PHTF1: variants seen among roughly 807,000 people sequenced by gnomAD.
The protein encoded by PHTF1 is protein PHTF1.
PHTF1 carries 88 observed loss-of-function variants against 102.4 expected under a neutral mutation model. The ratio of observed to expected loss-of-function variants is 0.86; its 90% CI spans 0.72 to 1.03. The LOEUF is 1.03. Ranked by LOEUF, PHTF1 falls within the 50% of genes least tolerant of loss-of-function variation. The pLI is 0.00. For synonymous variants in PHTF1, 289 were observed against 305.2 expected, an observed-to-expected ratio of 0.95 and a Z score of 0.55; for missense variants, 814 against 909.5, an observed-to-expected ratio of 0.89 and a Z score of 1.35.
Position 113,758,662 on chromosome 1 carries a change from C to T in PHTF1, c.42G>A (p.Lys14=), listed in dbSNP as rs1659252393. 1 of 1,586,052 alleles carries T rather than the reference C, an allele frequency of 6.3e-7. No individual in the cohort carries two copies. The highest frequency in any genetic ancestry group is 1.3e-5 in the African/African-American group (1 of 74,348). ...NERDAISWYQ[K]KIGAYDQQIW... ...AAAAAATATATATATGTATTACCTT[C>T]TTTTGGTACCACGATATAGCATCTC... Residue 14 remains lysine (K), a synonymous_variant, in exon 2 of 19, where the codon AAG becomes AAA. Coordinates refer to ENST00000369604, the MANE Select transcript of PHTF1 (RefSeq NM_001323043.2).
intron 3 of PHTF1, among the ~76,000 whole-genome samples, chr1:113,752,385 ATTTTTTTTTTTTTTTTTTT>A (rs774522219): frequency 2.1e-5 from 1 of 47,840 alleles, no homozygotes; most frequent in Non-Finnish European, 3.8e-5. Flanking sequence ...TGTTACTGTA[ATTTTTTTTTTTTTTTTTTT>A]TTTTTTTTTT....
chr1:113,718,213 G>T (rs942787322), intron 7 of PHTF1, among the ~76,000 whole-genome samples: 2 of 152,170 alleles, frequency 1.3e-5, no homozygotes, highest in Non-Finnish European at 2.9e-5. Context: ...GAAATCCAGT[G>T]GGGGAGTCAA....
At chr1:113,731,315 T>C (rs1411142742) in intron 5 of PHTF1, among the ~76,000 whole-genome samples, 1 of 151,926 alleles carries the variant, frequency 6.6e-6, no homozygotes, top group Non-Finnish European at 1.5e-5. Flanking sequence ...TTTGATCACT[T>C]GACGCCAGGA....
intron 3 of PHTF1, among the ~76,000 whole-genome samples, chr1:113,750,121 A>G (rs1477610838): frequency 6.6e-6 from 1 of 151,874 alleles, no homozygotes; most frequent in Admixed American, 6.6e-5. Flanking sequence ...CAGCTTCCCC[A>G]GTATCTGGGA....
At chr1:113,759,663 A>T (rs1222695318), upstream of PHTF1, among the ~76,000 whole-genome samples, 3 of 152,354 alleles carry the variant, frequency 2.0e-5, no homozygotes, top group Admixed American at 6.5e-5. Context: ...GGCCAAGAGC[A>T]GCTCCCTCAG....
Position 113,704,059 on chromosome 1 carries a change from A to G in PHTF1, c.1890+22T>C, listed in dbSNP as rs374430840. 3.0e-5 allele frequency: 45 copies of G among 1,517,058 alleles called. No individual in the cohort carries two copies. In the South Asian group the frequency reaches 4.6e-4, roughly 16 times the overall value. The allele number at this position is 1,517,058 out of a possible 1,614,324, so 94.0% of individuals were successfully genotyped here. Reference sequence around the variant, plus strand: ...TATAATAGAATTTTCATTTTTCCTTAAAGCAGATGTGAAACTTTTACCTGA... The same window carrying G: ...TATAATAGAATTTTCATTTTTCCTTGAAGCAGATGTGAAACTTTTACCTGA... On this transcript the variant is annotated intron_variant, in intron 15 of 18. Transcript: ENST00000369604.
Position 113,704,143 on chromosome 1 carries a change from C to G in PHTF1, c.1828G>C (p.Asp610His). 18 of 1,613,302 alleles carry G rather than the reference C, an allele frequency of 1.1e-5. No homozygotes were observed. The highest frequency in any genetic ancestry group is 1.5e-5 in the Non-Finnish European group (18 of 1,179,376). The part of the protein sequence containing the change: ...LKRRGPQRSV[D>H]VVVSSVFLLT... ...AGGAAAACCGAGGATACAACCACAT[C>G]AACTGAACGCTGTGGCCCCCGTCTC... Residue 610 changes from aspartate to histidine, a missense_variant, in exon 15 of 19, where the codon GAT (aspartate) becomes CAT (histidine). Physicochemically the swap from Asp to His is moderately conservative, Grantham distance 81. Coordinates refer to ENST00000369604, the MANE Select transcript of PHTF1 (RefSeq NM_001323043.2).
At chr1:113,737,674 C>T (rs1655703587) in intron 5 of PHTF1, among the ~76,000 whole-genome samples, 1 of 152,178 alleles carries the variant, frequency 6.6e-6, no homozygotes, top group African/African-American at 2.4e-5. Context: ...TGGCATACAC[C>T]TGTAGTGCCA....
intron 5 of PHTF1, among the ~76,000 whole-genome samples, chr1:113,727,491 C>T (rs1452484858): frequency 6.6e-6 from 1 of 152,180 alleles, no homozygotes; most frequent in Non-Finnish European, 1.5e-5. Context: ...GATTGAAATA[C>T]TACCAAAGTG....
chr1:113,715,191 G>GGT (rs2101233067), intron 7 of PHTF1: 2 of 152,360 alleles, frequency 1.3e-5, no homozygotes, highest in African/African-American at 4.8e-5. Context: ...AAGAAGCCCA[G>GGT]ACTGTGAAGA....
chr1:113,712,871 C>A (rs1276854980), intron 8 of PHTF1, among the ~76,000 whole-genome samples: 1 of 151,622 alleles, frequency 6.6e-6, no homozygotes, highest in Non-Finnish European at 1.5e-5. Flanking sequence ...ACTGCAAGCT[C>A]CACCTCCCAG....
chr1:113,699,301 A>C (rs993460145), intron 17 of PHTF1: 2 of 274,196 alleles, frequency 7.3e-6, no homozygotes, highest in Non-Finnish European at 1.4e-5. Context: ...CTTGACCATG[A>C]TTATAGCCCC....
At chr1:113,703,671 A>T (rs1291228461) in intron 15 of PHTF1, among the ~76,000 whole-genome samples, 2 of 152,098 alleles carry the variant, frequency 1.3e-5, no homozygotes, top group Admixed American at 1.3e-4. Flanking sequence ...CTATAGTAAC[A>T]GATTTTAACC....
intron 5 of PHTF1, among the ~76,000 whole-genome samples, chr1:113,729,487 CTGT>C (rs1654321173): frequency 1.3e-5 from 2 of 152,064 alleles, no homozygotes; most frequent in African/African-American, 2.4e-5. Flanking sequence ...CATTGCATGC[CTGT>C]ATCAAAGTAT....
In PHTF1 at chr1:113,712,067, C is replaced by T. The variant is rs1651203627; in HGVS notation, c.830G>A (p.Ser277Asn). The change falls in exon 9 of 19, where the codon AGT (serine) becomes AAT (asparagine). Residue 277 changes from serine (S) to asparagine (N), a missense_variant. Transcript: ENST00000369604. ...TGTCCGTGCTTCACCATCTTCTTCA[C>T]TTGACAGGTCATCAGACACCCCATT... Reference protein sequence around the residue: ...LGNGVSDDLSSEEDGEARTQM... With the variant: ...LGNGVSDDLSNEEDGEARTQM... 5 of 1,614,124 alleles carry T rather than the reference C, an allele frequency of 3.1e-6. No individual in the cohort carries two copies. The East Asian group carries it at 1.1e-4, about 36-fold the overall frequency.
At chr1:113,722,422 G>C (rs1229548990) in intron 7 of PHTF1, among the ~76,000 whole-genome samples, 2 of 152,016 alleles carry the variant, frequency 1.3e-5, no homozygotes, top group South Asian at 2.1e-4. Flanking sequence ...TTTGGCGATA[G>C]AGCGAGACTC....
chr1:113,739,189 T>C lies in PHTF1; in HGVS notation c.103-390A>G, dbSNP rs923158264. Among the ~76,000 whole-genome samples the C allele has an allele frequency of 2.7e-4, 41 of 152,308 alleles. 1 individual carries two copies. Among genetic ancestry groups the C allele is most frequent in the Admixed American group, 2.6e-3 (39 of 15,284 alleles). On this transcript the variant is annotated intron_variant, in intron 3 of 18. Coordinates refer to ENST00000369604, the MANE Select transcript of PHTF1 (RefSeq NM_001323043.2). ...TTTAAATACAAAAAATAAACTTACA[T>C]TTCTTTTTCTCTATATCTGATTCCC...
chr1:113,718,641 C>T (rs778586083), intron 7 of PHTF1, among the ~76,000 whole-genome samples: 4 of 152,266 alleles, frequency 2.6e-5, no homozygotes, highest in Non-Finnish European at 4.4e-5. Flanking sequence ...CAATTCTTGA[C>T]TTCTGTGCAC....
intron 5 of PHTF1, among the ~76,000 whole-genome samples, chr1:113,735,552 G>A (rs1426601235): frequency 5.3e-5 from 8 of 151,842 alleles, no homozygotes; most frequent in Non-Finnish European, 1.0e-4. Flanking sequence ...TCATTATGAA[G>A]ACTTAATTTA....
Sources: gnomAD v4.1 joint callset for allele counts (sites outside exome capture counted in the v4.1 genomes callset) on GRCh38, gnomAD v4.1.1 for gene constraint, MANE v1.5 for transcripts, NCBI Gene and HGNC (gene_info 2026-07-23, HGNC 2026-07-21) for gene names.